The following VRK1 variants were observed in gnomAD, a reference collection of about 807,000 sequenced individuals.
VRK1 encodes the protein serine/threonine-protein kinase VRK1.
A neutral mutation model predicts 57.1 loss-of-function variants in VRK1; 33 were observed. That is an observed-to-expected ratio of 0.58 (90% CI 0.44 to 0.77). The LOEUF is 0.77. Among genes scored for constraint, VRK1 ranks in the 30% least tolerant of loss-of-function variants. The pLI, the probability that VRK1 is intolerant of heterozygous loss-of-function variation, is 0.00. For missense variants in VRK1, 413 were observed against 477.3 expected (o/e 0.87, Z 1.25); for synonymous variants, 137 against 147.8 (o/e 0.93, Z 0.53).
intron 1 of VRK1, among the ~76,000 whole-genome samples, chr14:96,807,754 TTA>T (rs1885938654): frequency 6.6e-6 from 1 of 152,214 alleles, no homozygotes; most frequent in South Asian, 2.1e-4. Context: ...CCATGGGAGC[TTA>T]TGTTTGTCTT....
At chr14:96,857,862 C>T (rs1284251437) in intron 10 of VRK1, among the ~76,000 whole-genome samples, 1 of 152,180 alleles carries the variant, frequency 6.6e-6, no homozygotes. Flanking sequence ...GCCTCTCCCT[C>T]CTGGCCGAAT....
Position 96,855,349 on chromosome 14 carries a change from T to C in VRK1, c.702T>C (p.Asn234=). Residue 234 remains asparagine, a synonymous_variant, in exon 8 of 13, where the codon AAT becomes AAC. Transcript: ENST00000216639. ...AATTCACGAGCATCGATGCACACAA[T>C]GGCGTGGGTATGTCAGTAGTACTGG... The part of the protein sequence containing the change: ...TIEFTSIDAH[N]GVAPSRRGDL... The C allele has an allele frequency of 6.2e-7, 1 of 1,614,002 alleles. No homozygotes were observed. Among genetic ancestry groups the C allele is most frequent in the South Asian group, 1.1e-5 (1 of 91,068 alleles).
chr14:96,817,537 TACTTTATTTA>T (rs899766426), intron 1 of VRK1, among the ~76,000 whole-genome samples: 173 of 152,340 alleles, frequency 1.1e-3, no homozygotes, highest in African/African-American at 3.9e-3. Context: ...ACTTCTGTTA[TACTTTATTTA>T]GTCACCTTAA....
chr14:96,877,522 G>A (rs1242252023), intron 12 of VRK1: 2 of 1,289,492 alleles, frequency 1.6e-6, no homozygotes, highest in Non-Finnish European at 2.0e-6. Flanking sequence ...GTCCCAAGGA[G>A]CAATACATCG....
intron 11 of VRK1, among the ~76,000 whole-genome samples, chr14:96,869,120 A>G (rs1888710024): frequency 6.6e-6 from 1 of 152,174 alleles, no homozygotes; most frequent in South Asian, 2.1e-4. Context: ...AATTTTTTCA[A>G]AAAGTTCTTT....
chr14:96,829,206 A>G (rs1886913842), intron 1 of VRK1, among the ~76,000 whole-genome samples: 1 of 141,628 alleles, frequency 7.1e-6, no homozygotes, highest in Admixed American at 7.1e-5. Context: ...TTTTCTTTTA[A>G]TTTTTTTTTT....
At chr14:96,819,245 G>T (rs1317223359) in intron 1 of VRK1, among the ~76,000 whole-genome samples, 1 of 152,112 alleles carries the variant, frequency 6.6e-6, no homozygotes, top group Non-Finnish European at 1.5e-5. Flanking sequence ...GGTGTTTTTG[G>T]CTCCTCCTAA....
intron 2 of VRK1, among the ~76,000 whole-genome samples, chr14:96,837,546 A>C (rs1887268536): frequency 6.6e-6 from 1 of 152,176 alleles, no homozygotes; most frequent in East Asian, 1.9e-4. Flanking sequence ...AATCATATAG[A>C]AGAAACCAGA....
rs113327275 is a variant in VRK1, at chr14:96,834,001, A to G, written c.160+370A>G. The stretch of plus-strand genomic sequence containing the variant: ...GTTTGTCTGATTTAGAGGTTTGCAA[A>G]TCTTTTACAAGTGTGAGTTTCTTTT... On this transcript the variant is annotated intron_variant, in intron 2 of 12. Transcript: ENST00000216639. 2.0e-5 allele frequency among the ~76,000 whole-genome samples: 3 copies of G among 152,096 alleles called. No individual in the cohort carries two copies. In the East Asian group the frequency reaches 5.8e-4, roughly 29 times the overall value.
intron 1 of VRK1, among the ~76,000 whole-genome samples, chr14:96,810,697 A>G (rs1886157646): frequency 6.6e-6 from 1 of 152,180 alleles, no homozygotes; most frequent in Non-Finnish European, 1.5e-5. Context: ...AAGGATTTGA[A>G]TGGAATGTTT....
At chr14:96,815,037 G>T (rs781253860) in intron 1 of VRK1, among the ~76,000 whole-genome samples, 10 of 152,146 alleles carry the variant, frequency 6.6e-5, no homozygotes, top group Non-Finnish European at 1.3e-4. Flanking sequence ...TAAATTACTG[G>T]AAGTACACTT....
intron 4 of VRK1, among the ~76,000 whole-genome samples, chr14:96,846,643 G>GGATA (rs3049331): frequency 0.065 from 9,769 of 151,082 alleles, 362 homozygotes; most frequent in South Asian, 0.12. Context: ...TGCAACTTCA[G>GGATA]GATAGTCCAC....
intron 11 of VRK1, 37 bp from the exon 12 acceptor site, chr14:96,875,993 A>C: frequency 6.3e-7 from 1 of 1,594,052 alleles, no homozygotes; most frequent in Non-Finnish European, 8.6e-7. Flanking sequence ...CTTGACTGTC[A>C]GATATCTCTC....
chr14:96,808,311 C>T (rs551517868), intron 1 of VRK1, among the ~76,000 whole-genome samples: 1 of 152,224 alleles, frequency 6.6e-6, no homozygotes, highest in South Asian at 2.1e-4. Context: ...ATGGAACTGC[C>T]TAGTCAGTCA....
At chr14:96,803,740 AT>A (rs1403838895) in intron 1 of VRK1, among the ~76,000 whole-genome samples, 1 of 151,998 alleles carries the variant, frequency 6.6e-6, no homozygotes, top group Admixed American at 6.6e-5. Flanking sequence ...TATTGGTGAT[AT>A]TTTTTGTGCG....
At chr14:96,797,806 GGGCTCCGGGTGAACAGCGCAGGCGA>G (rs1427247709) in intron 1 of VRK1, among the ~76,000 whole-genome samples, 1 of 152,240 alleles carries the variant, frequency 6.6e-6, no homozygotes, top group Non-Finnish European at 1.5e-5. Context: ...CTGTCAGGCG[GGGCTCCGGGTGAACAGCGCAGGCGA>G]GGCCCCTGCC....
intron 1 of VRK1, among the ~76,000 whole-genome samples, chr14:96,824,372 A>G (rs1037999155): frequency 2.6e-5 from 4 of 152,176 alleles, no homozygotes; most frequent in African/African-American, 9.7e-5. Context: ...TTGAAAGCAA[A>G]AGGAAGAGAA....
intron 4 of VRK1, among the ~76,000 whole-genome samples, chr14:96,847,040 A>G (rs1167126682): frequency 1.3e-5 from 2 of 152,182 alleles, no homozygotes; most frequent in Non-Finnish European, 2.9e-5. Flanking sequence ...TTTAAAGACA[A>G]TTTTAAGGGC....
chr14:96,850,134 A>G (rs574433461), intron 5 of VRK1, among the ~76,000 whole-genome samples: 2 of 152,232 alleles, frequency 1.3e-5, no homozygotes, highest in African/African-American at 2.4e-5. Context: ...GGCATTAGTC[A>G]TATATCAGGC....
Sources: allele counts gnomAD v4.1 joint callset (sites outside exome capture counted in the v4.1 genomes callset), GRCh38; gene constraint gnomAD v4.1.1; transcripts MANE v1.5; gene names NCBI Gene and HGNC (gene_info 2026-07-23, HGNC 2026-07-21).